Variants in PTPRN2 observed in about 807,000 individuals in gnomAD.
PTPRN2 encodes receptor-type tyrosine-protein phosphatase N2.
In PTPRN2, 74 loss-of-function variants were observed where a neutral mutation model predicts 118.8. The observed-to-expected ratio is 0.62, with a 90% CI of 0.52 to 0.76. The LOEUF (loss-of-function observed/expected upper bound fraction) is 0.76. Ranked by LOEUF, PTPRN2 falls within the 30% of genes least tolerant of loss-of-function variation. PTPRN2 has a pLI of 0.00. For missense variants in PTPRN2, 1,481 were observed against 1,394.4 expected (o/e 1.06, Z -0.99); for synonymous variants, 641 against 608.0 (o/e 1.05, Z -0.80).
At chr7:157,551,454 G>T (rs1470908109) in intron 21 of PTPRN2, among the ~76,000 whole-genome samples, 2 of 151,832 alleles carry the variant, frequency 1.3e-5, no homozygotes, top group African/African-American at 4.8e-5. Flanking sequence ...AAGGAAGGCC[G>T]CTGGCCACCA....
At chr7:158,163,687 T>C (rs1822587819) in intron 6 of PTPRN2, among the ~76,000 whole-genome samples, 1 of 151,622 alleles carries the variant, frequency 6.6e-6, no homozygotes. Flanking sequence ...GCTTATTTCA[T>C]AGGTGATCAA....
intron 1 of PTPRN2, among the ~76,000 whole-genome samples, chr7:158,504,765 A>T (rs1300180225): frequency 6.6e-6 from 1 of 152,234 alleles, no homozygotes; most frequent in Admixed American, 6.5e-5. Flanking sequence ...CATGCACATC[A>T]TCTAGCTAAC....
intron 1 of PTPRN2, among the ~76,000 whole-genome samples, chr7:158,513,793 C>T (rs994899136): frequency 6.6e-5 from 10 of 152,264 alleles, no homozygotes; most frequent in Admixed American, 1.3e-4. Context: ...TCATTTGTGC[C>T]GGGCAGCGGG....
intron 2 of PTPRN2, among the ~76,000 whole-genome samples, chr7:158,337,538 AG>A (rs1482920682): frequency 4.9e-4 from 70 of 141,656 alleles, no homozygotes; most frequent in African/African-American, 1.9e-3. Context: ...TGACACCTGC[AG>A]ACGTCATTCA....
At chr7:157,562,247 T>G (rs1289798294) in intron 21 of PTPRN2, among the ~76,000 whole-genome samples, 2 of 152,166 alleles carry the variant, frequency 1.3e-5, no homozygotes, top group African/African-American at 2.4e-5. Context: ...TCTTACTGAC[T>G]GCTGTGTGAC....
intron 11 of PTPRN2, among the ~76,000 whole-genome samples, chr7:157,937,474 G>T (rs1391150369): frequency 6.6e-6 from 1 of 152,254 alleles, no homozygotes; most frequent in Non-Finnish European, 1.5e-5. Flanking sequence ...CTAAGCCGCT[G>T]TTGTCAGGCA....
At chr7:158,190,615 C>T (rs1013803231) in intron 5 of PTPRN2, among the ~76,000 whole-genome samples, 7 of 152,282 alleles carry the variant, frequency 4.6e-5, no homozygotes, top group African/African-American at 1.2e-4. Flanking sequence ...TGTACTTCCA[C>T]GAGGGCTGAA....
intron 13 of PTPRN2, among the ~76,000 whole-genome samples, chr7:157,658,525 G>A (rs547319257): frequency 3.6e-4 from 55 of 152,280 alleles, no homozygotes; most frequent in Non-Finnish European, 6.6e-4. Flanking sequence ...TGGGCATCCC[G>A]AGCACCTGCC....
chr7:157,849,924 G>A (rs77572109), intron 12 of PTPRN2, among the ~76,000 whole-genome samples: 4,742 of 152,316 alleles, frequency 0.031, 247 homozygotes, highest in African/African-American at 0.11. Context: ...GCTGGGGCCC[G>A]TGTGTGCCGT....
In PTPRN2 at chr7:157,540,400, G is replaced by A. The variant is rs1797959874; in HGVS notation, c.*314C>T. On this transcript the variant is annotated 3_prime_UTR_variant, in exon 23 of 23. Coordinates refer to ENST00000389418, the MANE Select transcript of PTPRN2 (RefSeq NM_002847.5). The stretch of plus-strand genomic sequence containing the variant: ...TCCTGGAAACCGCCTCGAACGTGCT[G>A]GCTACTGCATTGTTAACACAACTTC... 4.2e-6 allele frequency: 1 copy of A among 235,566 alleles called. No homozygotes were observed. The highest frequency in any genetic ancestry group is 8.2e-6 in the Non-Finnish European group (1 of 121,412). 14.6% of individuals were successfully genotyped at this position (235,566 alleles called of 1,614,324 possible). A position where few individuals can be genotyped will look rare whatever the true frequency, so the allele number is the denominator to read the frequency against.
intron 4 of PTPRN2, among the ~76,000 whole-genome samples, chr7:158,199,667 T>A (rs562746225): frequency 1.3e-5 from 2 of 151,912 alleles, no homozygotes; most frequent in African/African-American, 2.4e-5. Context: ...ACACATGGAG[T>A]GGAGAAAGCC....
intron 2 of PTPRN2, among the ~76,000 whole-genome samples, chr7:158,353,825 C>A (rs1045506519): frequency 2.0e-5 from 3 of 152,222 alleles, no homozygotes; most frequent in Non-Finnish European, 4.4e-5. Flanking sequence ...TTGCCCTGCT[C>A]TTGGGTGCCC....
chr7:158,352,937 G>A lies in PTPRN2; in HGVS notation c.164-36005C>T, dbSNP rs543887191. On this transcript the variant is annotated intron_variant, in intron 2 of 22. Coordinates refer to ENST00000389418, the MANE Select transcript of PTPRN2 (RefSeq NM_002847.5). Reference sequence around the variant, plus strand: ...TTCGCCGCACCAGGGCCTGCACCAGGCCACCCAGTTACATTCAGGCCACCC... The same window carrying A: ...TTCGCCGCACCAGGGCCTGCACCAGACCACCCAGTTACATTCAGGCCACCC... Among the ~76,000 whole-genome samples, 4 of 152,322 alleles carry A rather than the reference G, an allele frequency of 2.6e-5. No individual in the cohort carries two copies. In the East Asian group the frequency reaches 7.7e-4, roughly 29 times the overall value.
intron 1 of PTPRN2, among the ~76,000 whole-genome samples, chr7:158,497,262 C>T (rs1051163382): frequency 7.1e-6 from 1 of 140,874 alleles, no homozygotes; most frequent in Non-Finnish European, 1.5e-5. Flanking sequence ...CAAGGGGCTC[C>T]GTTGGGTGAC....
chr7:157,593,964 A>G (rs1437036225), intron 17 of PTPRN2, among the ~76,000 whole-genome samples: 1 of 152,224 alleles, frequency 6.6e-6, no homozygotes, highest in Non-Finnish European at 1.5e-5. Flanking sequence ...GTGTGAAGAC[A>G]CAGGCAGACA....
chr7:158,428,364 G>A (rs527837966), intron 2 of PTPRN2, among the ~76,000 whole-genome samples: 1 of 152,242 alleles, frequency 6.6e-6, no homozygotes, highest in South Asian at 2.1e-4. Flanking sequence ...GACCCTCGGG[G>A]GAACCCTTAG....
At chr7:157,616,815 A>T (rs1563266903) in intron 15 of PTPRN2, 1 of 152,062 alleles carries the variant, frequency 6.6e-6, no homozygotes, top group African/African-American at 2.4e-5. Flanking sequence ...AAGGCAAAAT[A>T]TTCCTCTTAG....
At chr7:158,470,003 C>T (rs1397704110) in intron 2 of PTPRN2, among the ~76,000 whole-genome samples, 1 of 148,300 alleles carries the variant, frequency 6.7e-6, no homozygotes, top group East Asian at 2.0e-4. Context: ...CCTAGTGCCT[C>T]ATAAAAGAAT....
intron 4 of PTPRN2, 79 bp from the exon 5 acceptor site, chr7:158,192,574 G>A (rs1825864919): frequency 1.4e-6 from 2 of 1,458,348 alleles, no homozygotes; most frequent in Non-Finnish European, 1.8e-6. Context: ...TGGTGCCTGG[G>A]TGCATGCAAG....
Sources: allele counts gnomAD v4.1 joint callset (sites outside exome capture counted in the v4.1 genomes callset), GRCh38; gene constraint gnomAD v4.1.1; transcripts MANE v1.5; gene names NCBI Gene and HGNC (gene_info 2026-07-23, HGNC 2026-07-21).